The following KATNAL2 variants were observed in gnomAD, a reference collection of about 807,000 sequenced individuals.
KATNAL2 encodes the protein katanin p60 ATPase-containing subunit A-like 2.
KATNAL2 carries 52 observed loss-of-function variants against 76.3 expected under a neutral mutation model. The ratio of observed to expected loss-of-function variants is 0.68; its 90% CI spans 0.55 to 0.86. The LOEUF is 0.86. Among genes scored for constraint, KATNAL2 ranks in the 40% least tolerant of loss-of-function variants. The pLI is 0.00. For synonymous variants in KATNAL2, 243 were observed against 244.2 expected (o/e 1.00, Z 0.05); for missense variants, 660 against 668.9 (o/e 0.99, Z 0.15).
intron 7 of KATNAL2, among the ~76,000 whole-genome samples, chr18:47,058,564 T>C (rs934032635): frequency 2.0e-5 from 3 of 151,908 alleles, no homozygotes; most frequent in Admixed American, 2.0e-4. Flanking sequence ...GTGGGAGGAC[T>C]TTTTTCTCCT....
At chr18:47,061,594 C>A (rs560355029) in intron 8 of KATNAL2, among the ~76,000 whole-genome samples, 18 of 152,142 alleles carry the variant, frequency 1.2e-4, no homozygotes, top group Non-Finnish European at 2.5e-4. Flanking sequence ...CTTTAGGACA[C>A]CCTCCCTGCA....
intron 3 of KATNAL2, chr18:47,033,157 C>T (rs577341359): frequency 2.5e-6 from 4 of 1,613,924 alleles, no homozygotes; most frequent in Admixed American, 1.7e-5. Context: ...AGGGAGCCAG[C>T]GAAGGATGCT....
chr18:46,957,950 C>A (rs922246501), intron 3 of KATNAL2, among the ~76,000 whole-genome samples: 1 of 152,068 alleles, frequency 6.6e-6, no homozygotes, highest in African/African-American at 2.4e-5. Flanking sequence ...TCTGCCTCAG[C>A]CTCCCAAAGT....
chr18:46,926,545 A>G (rs1599309139), intron 1 of KATNAL2, among the ~76,000 whole-genome samples: 1 of 152,288 alleles, frequency 6.6e-6, no homozygotes, highest in East Asian at 1.9e-4. Context: ...GTGGTGCTGA[A>G]AAGAATGTAT....
chr18:46,936,926 G>A (rs531281070), intron 1 of KATNAL2, among the ~76,000 whole-genome samples: 2 of 152,296 alleles, frequency 1.3e-5, no homozygotes, highest in African/African-American at 4.8e-5. Context: ...TTGCACTCCA[G>A]CCTGGGCAAC....
chr18:47,096,568 C>T (rs2063247963), intron 15 of KATNAL2, among the ~76,000 whole-genome samples: 2 of 152,122 alleles, frequency 1.3e-5, no homozygotes, highest in African/African-American at 2.4e-5. Context: ...AGCGAATCTT[C>T]TACCTCAGCT....
At chr18:47,047,612 A>G (rs1449692109) in intron 4 of KATNAL2, among the ~76,000 whole-genome samples, 1 of 152,134 alleles carries the variant, frequency 6.6e-6, no homozygotes, top group Non-Finnish European at 1.5e-5. Flanking sequence ...AGAGTAAGAG[A>G]GCTGCTCCAC....
chr18:46,946,753 C>A, intron 2 of KATNAL2, 101 bp from the exon 3 acceptor site: 2 of 1,203,308 alleles, frequency 1.7e-6, no homozygotes, highest in African/African-American at 1.5e-5. Flanking sequence ...GCGGGCGTGT[C>A]TGGGCTCTAG....
At chr18:47,059,504 C>A in intron 7 of KATNAL2, 52 bp from the exon 8 acceptor site, 1 of 1,287,048 alleles carries the variant, frequency 7.8e-7, no homozygotes, top group Non-Finnish European at 1.1e-6. Flanking sequence ...GTACATCCAG[C>A]AACTCTCCAT....
rs551231505 is a variant in KATNAL2 at position 46,937,309 on chromosome 18, C to A, written c.-509-8748C>A. ...CTAAAAATATAAAGGTCATCAAAAA[C>A]AAAGTCAGAGAAACTGTCACAGCCT... On this transcript the variant is annotated intron_variant, in intron 1 of 17. Coordinates refer to ENST00000683218, the MANE Select transcript of KATNAL2 (RefSeq NM_001387690.1). Among the ~76,000 whole-genome samples the A allele has an allele frequency of 7.5e-3, 1,135 of 152,220 alleles. 21 individuals carry two copies. Among genetic ancestry groups the A allele is most frequent in the Non-Finnish European group, 6.1e-3 (412 of 68,018 alleles).
At chr18:47,034,403 C>G (rs1382754393) in intron 3 of KATNAL2, 1 of 1,614,076 alleles carries the variant, frequency 6.2e-7, no homozygotes, top group Admixed American at 1.7e-5. Flanking sequence ...CCGCTGCCAG[C>G]TTGCCCCCCT....
intron 15 of KATNAL2, among the ~76,000 whole-genome samples, chr18:47,094,270 A>C (rs1264163428): frequency 1.3e-5 from 2 of 152,086 alleles, no homozygotes; most frequent in African/African-American, 4.8e-5. Flanking sequence ...CACCCTCCAA[A>C]ATGACAATTA....
intron 3 of KATNAL2, chr18:46,963,135 T>TGA: frequency 1.9e-6 from 2 of 1,036,244 alleles, no homozygotes; most frequent in Non-Finnish European, 2.6e-6. Context: ...TCGCAGCCGC[T>TGA]GCTCTCGGGC....
chr18:46,959,113 A>C (rs2059853225), intron 3 of KATNAL2, among the ~76,000 whole-genome samples: 1 of 152,260 alleles, frequency 6.6e-6, no homozygotes, highest in African/African-American at 2.4e-5. Flanking sequence ...CTTTTCTTCA[A>C]ATAACTGAAG....
At chr18:47,043,903 T>C (rs1245491064) in intron 3 of KATNAL2, among the ~76,000 whole-genome samples, 1 of 152,110 alleles carries the variant, frequency 6.6e-6, no homozygotes, top group Non-Finnish European at 1.5e-5. Context: ...ATGGTCCTAA[T>C]AATGTAATCA....
intron 6 of KATNAL2, among the ~76,000 whole-genome samples, chr18:47,055,016 C>T (rs529216880): frequency 4.4e-4 from 67 of 152,334 alleles, no homozygotes; most frequent in African/African-American, 1.1e-3. Flanking sequence ...CTTCTCAAGT[C>T]CAAATCTCAT....
intron 3 of KATNAL2, among the ~76,000 whole-genome samples, chr18:46,948,638 G>A (rs997190054): frequency 2.0e-5 from 3 of 151,894 alleles, no homozygotes; most frequent in African/African-American, 7.3e-5. Flanking sequence ...ATGTTGGTCA[G>A]GCAGGTCTTG....
At chr18:47,044,454 C>A (rs57783053) in intron 3 of KATNAL2, among the ~76,000 whole-genome samples, 4,071 of 152,198 alleles carry the variant, frequency 0.027, 163 homozygotes, top group African/African-American at 0.094. Context: ...CTGAACTGTA[C>A]ACTTAAAAAT....
rs376877321 is a variant in KATNAL2, at chr18:47,043,245, A to AAAAAAAAAAAAAAAAAAAAAAAG, written c.52-3212_52-3211insAAAAAAAAAAAAAAAAAAAAAAG. Among the ~76,000 whole-genome samples the AAAAAAAAAAAAAAAAAAAAAAAG allele has an allele frequency of 7.5e-5, 7 of 93,176 alleles. 2 individuals carry two copies. The highest frequency in any genetic ancestry group is 1.1e-4 in the Non-Finnish European group (5 of 47,346). The allele number at this position is 93,176 out of a possible 152,430, so 61.1% of individuals were successfully genotyped here. On this transcript the variant is annotated intron_variant, in intron 3 of 17. Transcript: ENST00000683218. ...CCGTTTCAAAAAAAAAAAAAAAAAAAGAGATCCTAAAAGCTTCCTGGGAAG... is the reference window on the plus strand; with the variant it reads ...CCGTTTCAAAAAAAAAAAAAAAAAAAAAAAAAAAAAAAAAAAAAAAAAGGAGATCCTAAAAGCTTCCTGGGAAG...
Sources: allele counts gnomAD v4.1 joint callset (sites outside exome capture counted in the v4.1 genomes callset), GRCh38; gene constraint gnomAD v4.1.1; transcripts MANE v1.5; gene names NCBI Gene and HGNC (gene_info 2026-07-23, HGNC 2026-07-21).